Variants in NPAS2 observed in about 807,000 individuals in gnomAD.
NPAS2 encodes neuronal PAS domain-containing protein 2.
Under a neutral mutation model 107.5 loss-of-function variants are expected in NPAS2, and 23 were observed. That is an observed-to-expected ratio of 0.21 (90% CI 0.15 to 0.30). NPAS2 has a LOEUF of 0.30. Ranked by LOEUF, NPAS2 falls within the 10% of genes least tolerant of loss-of-function variation. The probability of loss-of-function intolerance (pLI) is 1.00; values close to 1 mark genes in which losing one functional copy is unlikely to be tolerated. For missense variants in NPAS2, 756 were observed against 1,043.3 expected, an observed-to-expected ratio of 0.72 and a Z score of 3.79; for synonymous variants, 403 against 417.5, an observed-to-expected ratio of 0.97 and a Z score of 0.42.
rs114637618 is a variant in NPAS2 at position 100,953,868 on chromosome 2, C to A, written c.598+4388C>A. ...GCCTGTGCATGTCAGATGCCCTGCA[C>A]CCACATGCCAGGCTGTGTGAAGGGC... is the stretch of plus-strand genomic sequence containing the variant. On this transcript the variant is annotated intron_variant, in intron 7 of 20. Transcript: ENST00000335681. Among the ~76,000 whole-genome samples the A allele has an allele frequency of 8.4e-3, 1,281 of 152,318 alleles. 20 individuals carry two copies. The highest frequency in any genetic ancestry group is 0.029 in the African/African-American group (1,221 of 41,560).
At chr2:100,950,473 T>G (rs1264321497) in intron 7 of NPAS2, among the ~76,000 whole-genome samples, 1 of 152,212 alleles carries the variant, frequency 6.6e-6, no homozygotes, top group Non-Finnish European at 1.5e-5. Flanking sequence ...GTGGGTCTAT[T>G]CCTTCAGTCA....
chr2:100,819,250 G>C (rs77335327), upstream of NPAS2, among the ~76,000 whole-genome samples: 1 of 152,144 alleles, frequency 6.6e-6, no homozygotes. The surrounding 1 kb of genome is among the most constrained non-coding windows in gnomAD (Gnocchi z 5.8). Context: ...GAGGAGGGGA[G>C]GGAGAGGCAG....
At chr2:100,975,905 A>G (rs1471801823) in intron 14 of NPAS2, among the ~76,000 whole-genome samples, 3 of 152,222 alleles carry the variant, frequency 2.0e-5, no homozygotes, top group Admixed American at 1.3e-4. Context: ...ATCCCCTTTC[A>G]TGCTGGTGAA....
chr2:100,945,275 C>T (rs1406782309), intron 5 of NPAS2, among the ~76,000 whole-genome samples: 1 of 152,158 alleles, frequency 6.6e-6, no homozygotes, highest in Non-Finnish European at 1.5e-5. Flanking sequence ...TCCTCACACC[C>T]ACCGGAACAC....
intron 1 of NPAS2, among the ~76,000 whole-genome samples, chr2:100,852,127 T>A (rs532790504): frequency 6.6e-6 from 1 of 152,266 alleles, no homozygotes; most frequent in African/African-American, 2.4e-5. Flanking sequence ...CCGGGCACGG[T>A]GGCTCCTGCC....
chr2:100,819,460 C>G (rs1339455134), upstream of NPAS2, among the ~76,000 whole-genome samples: 1 of 152,180 alleles, frequency 6.6e-6, no homozygotes, highest in African/African-American at 2.4e-5. This position sits in a 1 kb window ranked among gnomAD's most constrained non-coding sequence, Gnocchi z 5.8. Flanking sequence ...CGCATCTTCC[C>G]CGACCCCCGC....
chr2:100,961,341 A>G (rs544980866), intron 7 of NPAS2, among the ~76,000 whole-genome samples: 1 of 152,280 alleles, frequency 6.6e-6, no homozygotes, highest in African/African-American at 2.4e-5. Flanking sequence ...AAAATGTTCA[A>G]AGTATCTTCT....
intron 1 of NPAS2, among the ~76,000 whole-genome samples, chr2:100,831,999 G>GCT: frequency 6.6e-6 from 1 of 152,194 alleles, no homozygotes; most frequent in Middle Eastern, 3.4e-3. Flanking sequence ...TCCTTAACTT[G>GCT]CTCTCCAGTT....
intron 2 of NPAS2, among the ~76,000 whole-genome samples, chr2:100,909,555 T>C (rs1328851321): frequency 6.6e-6 from 1 of 152,216 alleles, no homozygotes; most frequent in African/African-American, 2.4e-5. Context: ...GCAGGCACAG[T>C]GCAGTGAGAA....
chr2:100,914,688 G>C (rs1386660394), intron 2 of NPAS2, among the ~76,000 whole-genome samples: 1 of 152,132 alleles, frequency 6.6e-6, no homozygotes, highest in Non-Finnish European at 1.5e-5. Flanking sequence ...TATATTCTCT[G>C]TTCCCACCCT....
intron 7 of NPAS2, among the ~76,000 whole-genome samples, chr2:100,951,436 G>A (rs907654037): frequency 3.9e-5 from 6 of 152,178 alleles, no homozygotes; most frequent in African/African-American, 4.8e-5. Flanking sequence ...AGCAACCCAC[G>A]TGTCCATCAG....
intron 4 of NPAS2, chr2:100,934,012 G>A (rs1446660933): frequency 6.6e-6 from 1 of 152,196 alleles, no homozygotes; most frequent in African/African-American, 2.4e-5. Flanking sequence ...AAGTACTGGA[G>A]TAAGAAAATG....
upstream of NPAS2, among the ~76,000 whole-genome samples, chr2:100,818,815 C>G (rs1388435020): frequency 1.3e-5 from 2 of 152,230 alleles, no homozygotes; most frequent in Non-Finnish European, 2.9e-5. Flanking sequence ...GCCAGGGGAG[C>G]GGAGACCTCG....
chr2:100,989,968 A>G (rs1435452309), intron 17 of NPAS2: 2 of 389,240 alleles, frequency 5.1e-6, no homozygotes, highest in African/African-American at 2.0e-5. Context: ...TTGGAGAAAC[A>G]GCCAGGAGGG....
At chr2:100,871,796 A>T (rs199540607) in intron 1 of NPAS2, among the ~76,000 whole-genome samples, 1 of 152,102 alleles carries the variant, frequency 6.6e-6, no homozygotes, top group East Asian at 1.9e-4. Flanking sequence ...CTAGAAATTC[A>T]TCTCTGCATG....
chr2:100,928,888 T>A (rs1407297968), intron 3 of NPAS2, among the ~76,000 whole-genome samples: 2 of 152,192 alleles, frequency 1.3e-5, no homozygotes, highest in African/African-American at 4.8e-5. Context: ...CTCCTCTACA[T>A]AGAGCTCCTC....
intron 1 of NPAS2, among the ~76,000 whole-genome samples, chr2:100,862,552 C>T (rs1811399): frequency 6.6e-6 from 1 of 151,980 alleles, no homozygotes; most frequent in Non-Finnish European, 1.5e-5. Flanking sequence ...GCATGGTGAT[C>T]CAGCGGCTGC....
intron 2 of NPAS2, among the ~76,000 whole-genome samples, chr2:100,921,732 C>T (rs356641): frequency 0.37 from 55,774 of 152,072 alleles, 11,143 homozygotes; most frequent in Admixed American, 0.51. Context: ...AACATTTCAA[C>T]GGCTAAACAT....
At chr2:100,863,017 T>C (rs962603022) in intron 1 of NPAS2, among the ~76,000 whole-genome samples, 6 of 152,180 alleles carry the variant, frequency 3.9e-5, no homozygotes, top group African/African-American at 1.4e-4. Context: ...AGGATGTATC[T>C]TCACTTCCGT....
Sources: allele counts gnomAD v4.1 joint callset (sites outside exome capture counted in the v4.1 genomes callset), GRCh38; gene constraint gnomAD v4.1.1; non-coding constraint Gnocchi (gnomAD v3.1); transcripts MANE v1.5; gene names NCBI Gene and HGNC (gene_info 2026-07-23, HGNC 2026-07-21).